AKAP12: variants seen among roughly 807,000 people sequenced by gnomAD.
AKAP12 encodes A-kinase anchor protein 12.
Under a neutral mutation model 79.9 loss-of-function variants are expected in AKAP12, and 32 were observed. That is an observed-to-expected ratio of 0.40 (90% confidence interval 0.30 to 0.54). The LOEUF (loss-of-function observed/expected upper bound fraction) is 0.54, where lower values mean the gene tolerates loss of function less well. Among genes scored for constraint, AKAP12 ranks in the 20% least tolerant of loss-of-function variants. The pLI is 0.48. For missense variants in AKAP12, 2,074 were observed against 2,177.0 expected (o/e 0.95, Z 0.94); for synonymous variants, 808 against 857.0 (o/e 0.94, Z 1.00).
At chr6:151,251,197 A>G (rs1797166872) in intron 2 of AKAP12, among the ~76,000 whole-genome samples, 1 of 152,188 alleles carries the variant, frequency 6.6e-6, no homozygotes, top group African/African-American at 2.4e-5. Context: ...TAAGGAAACA[A>G]TGAAAGAGGA....
chr6:151,252,316 C>T, intron 2 of AKAP12, among the ~76,000 whole-genome samples: 1 of 151,936 alleles, frequency 6.6e-6, no homozygotes, highest in Non-Finnish European at 1.5e-5. Context: ...ATGCCTCAGC[C>T]TCTCGAGTAG....
chr6:151,325,894 C>T (rs1235502882), intron 3 of AKAP12: 1 of 1,614,212 alleles, frequency 6.2e-7, no homozygotes, highest in South Asian at 1.1e-5. Flanking sequence ...AGGTAAGGCA[C>T]AAGCCAGGTC....
chr6:151,284,918 G>A (rs1380057713), intron 2 of AKAP12, among the ~76,000 whole-genome samples: 1 of 152,172 alleles, frequency 6.6e-6, no homozygotes, highest in Non-Finnish European at 1.5e-5. Context: ...ACCCAGGGTG[G>A]AACCAAAGCT....
chr6:151,240,661 G>C lies in AKAP12; in HGVS notation c.99G>C (p.Ser33=), dbSNP rs937163256. Reference sequence around the variant, plus strand: ...CCGAGCCCAGCGGCGGCGGCCCCTCGGCCGAGGCGGCGCCAGACACCACCG... The same window carrying C: ...CCGAGCCCAGCGGCGGCGGCCCCTCCGCCGAGGCGGCGCCAGACACCACCG... ...AEPEPSGGGP[S]AEAAPDTTAD... is the part of the protein sequence containing the mutation. The change falls in exon 2 of 5, where the codon TCG becomes TCC. Residue 33 remains serine (S), a synonymous_variant. Transcript: ENST00000402676. The C allele has an allele frequency of 2.3e-6, 3 of 1,313,956 alleles. No individual in the cohort carries two copies. The highest frequency in any genetic ancestry group is 2.9e-6 in the Non-Finnish European group (3 of 1,035,336). 81.4% of individuals were successfully genotyped at this position (1,313,956 alleles called of 1,614,324 possible).
chr6:151,263,121 A>T (rs1398958846), intron 2 of AKAP12, among the ~76,000 whole-genome samples: 1 of 151,734 alleles, frequency 6.6e-6, no homozygotes, highest in Non-Finnish European at 1.5e-5. Flanking sequence ...CTGCAGCCTC[A>T]ATCTCCTGAT....
At chr6:151,320,508 T>C (rs1005123778) in intron 3 of AKAP12, among the ~76,000 whole-genome samples, 1 of 152,082 alleles carries the variant, frequency 6.6e-6, no homozygotes, top group Non-Finnish European at 1.5e-5. Flanking sequence ...ACTTTCTCCC[T>C]CATTGCCCCT....
intron 3 of AKAP12, among the ~76,000 whole-genome samples, chr6:151,332,011 T>A (rs1232041631): frequency 7.1e-6 from 1 of 139,970 alleles, no homozygotes; most frequent in African/African-American, 2.8e-5. Flanking sequence ...CCCTACTGAG[T>A]AGCACGTCCA....
At position 151,349,779 on chromosome 6, in the gene AKAP12, T is replaced by G. The variant is rs1453881450; in HGVS notation, c.1388T>G (p.Leu463Arg). Residue 463 changes from leucine to arginine, a missense_variant, in exon 4 of 5, where the codon CTG (leucine) becomes CGG (arginine). By Grantham distance (102) the Leu-to-Arg change is moderately radical. Around this residue, in one of 3 missense-constraint regions of AKAP12, gnomAD observed 1,428 missense variants for 1,451.0 expected, o/e 0.98. Transcript: ENST00000402676. ...CAGGAAGCTGAACCTGCCAAGGAGC[T>G]GGTGAAGCTCAAAGAAACGTGTGTT... The part of the protein sequence containing the change: ...EPQEAEPAKE[L>R]VKLKETCVSG... The G allele has an allele frequency of 6.2e-7, 1 of 1,613,980 alleles. No individual in the cohort carries two copies. Among genetic ancestry groups the G allele is most frequent in the Non-Finnish European group, 8.5e-7 (1 of 1,179,972 alleles).
intron 3 of AKAP12, among the ~76,000 whole-genome samples, chr6:151,309,243 G>C (rs1289783120): frequency 6.6e-6 from 1 of 152,156 alleles, no homozygotes; most frequent in Non-Finnish European, 1.5e-5. Context: ...CTGTAGGATA[G>C]ACAAAGGCAT....
chr6:151,323,885 T>G, intron 3 of AKAP12: 1 of 985,386 alleles, frequency 1.0e-6, no homozygotes, highest in Non-Finnish European at 1.2e-6. Flanking sequence ...TGAGAAATGA[T>G]GCAGAACCAA....
At chr6:151,346,042 C>T (rs1778094698) in intron 3 of AKAP12, among the ~76,000 whole-genome samples, 1 of 151,732 alleles carries the variant, frequency 6.6e-6, no homozygotes, top group Non-Finnish European at 1.5e-5. Flanking sequence ...GCAGTCAAAT[C>T]TCTACCCTTT....
At chr6:151,262,436 A>C (rs940412707) in intron 2 of AKAP12, among the ~76,000 whole-genome samples, 1 of 152,152 alleles carries the variant, frequency 6.6e-6, no homozygotes, top group Non-Finnish European at 1.5e-5. Context: ...CAACTTTCCC[A>C]CACCTTGGGT....
intron 2 of AKAP12, among the ~76,000 whole-genome samples, chr6:151,254,124 C>G (rs543037027): frequency 6.6e-6 from 1 of 152,188 alleles, no homozygotes; most frequent in East Asian, 1.9e-4. Context: ...ATGAAATAAG[C>G]TATTGAAAAG....
chr6:151,319,473 C>CTATG (rs1457750166), intron 3 of AKAP12, among the ~76,000 whole-genome samples: 1 of 144,820 alleles, frequency 6.9e-6, no homozygotes, highest in Admixed American at 6.8e-5. Flanking sequence ...ATCTATCTAT[C>CTATG]TATCTATCTA....
chr6:151,348,017 C>G (rs992184321), intron 3 of AKAP12, among the ~76,000 whole-genome samples: 5 of 142,712 alleles, frequency 3.5e-5, no homozygotes, highest in African/African-American at 1.4e-4. Context: ...ACTAAAAATA[C>G]AAAAAAAAAA....
chr6:151,294,629 C>T (rs560974992), intron 2 of AKAP12, among the ~76,000 whole-genome samples: 2 of 152,302 alleles, frequency 1.3e-5, no homozygotes, highest in African/African-American at 4.8e-5. Flanking sequence ...GTAGGTGGTG[C>T]TTTTTATTGC....
chr6:151,285,615 A>G lies in AKAP12; in HGVS notation c.163-20132A>G, dbSNP rs77141467. On this transcript the variant is annotated intron_variant, in intron 2 of 4. Coordinates refer to ENST00000402676, the MANE Select transcript of AKAP12 (RefSeq NM_005100.4). Reference sequence around the variant, plus strand: ...TTAAAAAAAAAAATCAATTTCATGCAAAAAAGGGGGGAGGATTATGTAAAC... The same window carrying G: ...TTAAAAAAAAAAATCAATTTCATGCGAAAAAGGGGGGAGGATTATGTAAAC... 1.9e-3 allele frequency among the ~76,000 whole-genome samples: 293 copies of G among 152,226 alleles called. 2 individuals carry two copies. The highest frequency in any genetic ancestry group is 0.01 in the East Asian group (52 of 5,184).
chr6:151,324,311 A>G, intron 3 of AKAP12: 5 of 985,400 alleles, frequency 5.1e-6, no homozygotes, highest in Non-Finnish European at 6.0e-6. Context: ...AACGGAAGCC[A>G]GGCTTTTGGA....
chr6:151,325,526 T>C, intron 3 of AKAP12: 1 of 984,818 alleles, frequency 1.0e-6, no homozygotes, highest in Non-Finnish European at 1.2e-6. Context: ...CGTGACCCCC[T>C]GCTTGTGCGG....
Sources: gnomAD v4.1 joint callset for allele counts (sites outside exome capture counted in the v4.1 genomes callset) on GRCh38, gnomAD v4.1.1 for gene constraint, gnomAD v4.1.1 regional missense constraint, MANE v1.5 for transcripts, NCBI Gene and HGNC (gene_info 2026-07-23, HGNC 2026-07-21) for gene names.